The following LRP1B variants were observed in gnomAD, a reference collection of about 807,000 sequenced individuals.
The protein encoded by LRP1B is low-density lipoprotein receptor-related protein 1B.
A neutral mutation model predicts 556.6 loss-of-function variants in LRP1B; 217 were observed. That is an observed-to-expected ratio of 0.39 (90% CI 0.35 to 0.44). The LOEUF is 0.44. LRP1B is among the 20% of genes least tolerant of loss of function. The pLI is 1.00. For synonymous variants in LRP1B, 2,047 were observed against 1,865.8 expected (o/e 1.10, Z -2.50); for missense variants, 5,053 against 5,620.8 (o/e 0.90, Z 3.23).
At chr2:140,584,875 C>T (rs887695208) in intron 43 of LRP1B, among the ~76,000 whole-genome samples, 3 of 151,410 alleles carry the variant, frequency 2.0e-5, no homozygotes, top group Middle Eastern at 3.2e-3. Context: ...TTGATTTTGG[C>T]CTTTTCTTTT....
chr2:140,645,930 A>C (rs1293400171), intron 41 of LRP1B, among the ~76,000 whole-genome samples: 1 of 152,048 alleles, frequency 6.6e-6, no homozygotes, highest in Non-Finnish European at 1.5e-5. Flanking sequence ...AAATTCTGCT[A>C]TTATTTTTCC....
chr2:141,287,018 A>G (rs1376864306), intron 3 of LRP1B, among the ~76,000 whole-genome samples: 1 of 152,208 alleles, frequency 6.6e-6, no homozygotes, highest in Non-Finnish European at 1.5e-5. Flanking sequence ...GATGGGTAGT[A>G]AAGATTTGTA....
At chr2:140,437,257 T>G (rs937049720) in intron 66 of LRP1B, among the ~76,000 whole-genome samples, 2 of 152,042 alleles carry the variant, frequency 1.3e-5, no homozygotes, top group African/African-American at 4.8e-5. Flanking sequence ...CTTTCTCCTT[T>G]CCAGCTGCTA....
intron 11 of LRP1B, among the ~76,000 whole-genome samples, chr2:141,034,255 T>C (rs1237731748): frequency 1.3e-5 from 2 of 152,258 alleles, no homozygotes; most frequent in East Asian, 3.9e-4. Context: ...TCGCTGATGG[T>C]ATATTTTTCA....
At chr2:140,372,339 G>C (rs1393555970) in intron 69 of LRP1B, among the ~76,000 whole-genome samples, 1 of 152,150 alleles carries the variant, frequency 6.6e-6, no homozygotes, top group Non-Finnish European at 1.5e-5. Flanking sequence ...ATAGTAATGT[G>C]TGAGCCTTGT....
At chr2:141,887,161 A>G (rs1320733271) in intron 1 of LRP1B, among the ~76,000 whole-genome samples, 3 of 151,492 alleles carry the variant, frequency 2.0e-5, no homozygotes, top group South Asian at 4.2e-4. Flanking sequence ...ATGCCTTGCT[A>G]ATTTTTGTAT....
rs2105019977 is a variant in LRP1B, at chr2:140,541,803, C to A, written c.7363G>T (p.Ala2455Ser). Residue 2455 changes from alanine to serine, a missense_variant, in exon 44 of 91, where the codon GCT becomes TCT. Ala to Ser is a moderately conservative substitution (Grantham distance 99). Around this residue, in one of 5 missense-constraint regions of LRP1B, gnomAD observed 3,619 missense variants for 3,931.9 expected, o/e 0.92. Coordinates refer to ENST00000389484, the MANE Select transcript of LRP1B (RefSeq NM_018557.3). ...CAGCTATTGGTGTCATTGGCAACAG[C>A]TATGATTCCCATTGGCTGATGTGGA... is the stretch of plus-strand genomic sequence containing the variant. The part of the protein sequence containing the change: ...DIPHQPMGII[A>S]VANDTNSCEL... The A allele has an allele frequency of 6.2e-7, 1 of 1,611,772 alleles. No individual in the cohort carries two copies.
chr2:140,279,079 T>C (rs2104961689), intron 84 of LRP1B, among the ~76,000 whole-genome samples: 1 of 152,062 alleles, frequency 6.6e-6, no homozygotes, highest in African/African-American at 2.4e-5. Flanking sequence ...CTTGCCTCCT[T>C]CCCTCTCCAC....
At chr2:140,318,759 C>A (rs1168960687) in intron 82 of LRP1B, among the ~76,000 whole-genome samples, 1 of 151,960 alleles carries the variant, frequency 6.6e-6, no homozygotes, top group Non-Finnish European at 1.5e-5. Flanking sequence ...CCACCATTTA[C>A]TAAGTAATGT....
intron 31 of LRP1B, among the ~76,000 whole-genome samples, chr2:140,821,894 G>C (rs999246207): frequency 1.3e-5 from 2 of 151,988 alleles, no homozygotes; most frequent in African/African-American, 4.8e-5. Context: ...TAGCCACTCA[G>C]GAGGCTAAGG....
intron 6 of LRP1B, among the ~76,000 whole-genome samples, chr2:141,206,320 G>A (rs546309562): frequency 2.0e-5 from 3 of 152,172 alleles, no homozygotes; most frequent in South Asian, 4.1e-4. Context: ...GGTGGCTCAC[G>A]CCTGTAATCC....
intron 1 of LRP1B, among the ~76,000 whole-genome samples, chr2:141,891,568 T>G (rs1699291524): frequency 1.3e-5 from 2 of 152,154 alleles, no homozygotes; most frequent in African/African-American, 4.8e-5. Context: ...TACTACCAAT[T>G]AAAATAAAAC....
At chr2:141,670,462 G>T (rs574299346) in intron 2 of LRP1B, among the ~76,000 whole-genome samples, 8 of 152,286 alleles carry the variant, frequency 5.3e-5, no homozygotes, top group Non-Finnish European at 2.9e-5. Context: ...AAAATTCCAT[G>T]CCACAGACAG....
At chr2:141,332,717 TA>T (rs1285174181) in intron 3 of LRP1B, among the ~76,000 whole-genome samples, 1 of 92,066 alleles carries the variant, frequency 1.1e-5, no homozygotes, top group East Asian at 2.1e-4. Context: ...TGTTTTGCCT[TA>T]TTTTTTTATA....
chr2:140,539,997 T>G (rs1290661520), intron 45 of LRP1B, among the ~76,000 whole-genome samples: 3 of 152,134 alleles, frequency 2.0e-5, no homozygotes, highest in African/African-American at 7.2e-5. Context: ...ATTTTGTATA[T>G]GGTATAAGAA....
intron 35 of LRP1B, among the ~76,000 whole-genome samples, chr2:140,744,076 A>T (rs1688238219): frequency 6.6e-6 from 1 of 151,232 alleles, no homozygotes; most frequent in Admixed American, 6.6e-5. Context: ...CAAAGGGTAT[A>T]AACCCGCGGT....
rs1253945546 is a variant in LRP1B at position 140,322,132 on chromosome 2, C to T, written c.12515-44G>A. The T allele has an allele frequency of 3.9e-6, 6 of 1,553,066 alleles. No individual in the cohort carries two copies. In the Admixed American group the frequency reaches 1.0e-4, roughly 26 times the overall value. ...ACAAAGAAGTGTGTAAATATAGATA[C>T]AATAGGCTTCAAAAGCATAAAATTA... On this transcript the variant is annotated intron_variant, in intron 81 of 90. Transcript: ENST00000389484.
At chr2:140,659,808 G>A (rs540562951) in intron 41 of LRP1B, among the ~76,000 whole-genome samples, 71 of 152,078 alleles carry the variant, frequency 4.7e-4, no homozygotes, top group Non-Finnish European at 4.4e-4. Flanking sequence ...TTAGGGTTAC[G>A]AGACTAGTGA....
At chr2:141,757,767 G>C (rs1213336910) in intron 2 of LRP1B, among the ~76,000 whole-genome samples, 1 of 151,910 alleles carries the variant, frequency 6.6e-6, no homozygotes, top group African/African-American at 2.4e-5. Context: ...ATACTCCTGG[G>C]CTCAAGTGAT....
Sources: gnomAD v4.1 joint callset for allele counts (sites outside exome capture counted in the v4.1 genomes callset) on GRCh38, gnomAD v4.1.1 for gene constraint, gnomAD v4.1.1 regional missense constraint, MANE v1.5 for transcripts, NCBI Gene and HGNC (gene_info 2026-07-23, HGNC 2026-07-21) for gene names.